Variants in PBX1 observed in about 807,000 individuals in gnomAD.
PBX1 encodes PBX homeobox 1.
A neutral mutation model predicts 53.4 loss-of-function variants in PBX1; 6 were observed. The ratio of observed to expected loss-of-function variants is 0.11; its 90% confidence interval spans 0.06 to 0.22. The LOEUF (loss-of-function observed/expected upper bound fraction) is 0.22. Among genes scored for constraint, PBX1 ranks in the 10% least tolerant of loss-of-function variants. The pLI is 1.00. For synonymous variants in PBX1, 204 were observed against 212.3 expected, an observed-to-expected ratio of 0.96 and a Z score of 0.34; for missense variants, 251 against 551.4, an observed-to-expected ratio of 0.46 and a Z score of 5.46.
Position 164,559,487 on chromosome 1 carries a change from A to G in PBX1, c.-336A>G. On this transcript the variant is annotated 5_prime_UTR_variant, in exon 1 of 9. Coordinates refer to ENST00000420696, the MANE Select transcript of PBX1 (RefSeq NM_002585.4). Reference sequence around the variant, plus strand: ...TGCCTTGCAAAGGAGACCGGACTGAAAAACCTAAAGCCAGCTCTGATTTCT... The same window carrying G: ...TGCCTTGCAAAGGAGACCGGACTGAGAAACCTAAAGCCAGCTCTGATTTCT... 1 of 290,798 alleles carries G rather than the reference A, an allele frequency of 3.4e-6. No homozygotes were observed. The highest frequency in any genetic ancestry group is 6.3e-6 in the Non-Finnish European group (1 of 157,892). 18.0% of individuals were successfully genotyped at this position (290,798 alleles called of 1,614,324 possible). A position where few individuals can be genotyped will look rare whatever the true frequency, so the allele number is the denominator to read the frequency against.
chr1:164,588,931 C>A (rs1655162218), intron 2 of PBX1, among the ~76,000 whole-genome samples: 1 of 152,122 alleles, frequency 6.6e-6, no homozygotes, highest in Admixed American at 6.5e-5. Context: ...GAGAATCTTT[C>A]TCTCTTTTTT....
intron 1 of PBX1, among the ~76,000 whole-genome samples, chr1:164,562,240 C>T (rs1016247274): frequency 2.0e-5 from 3 of 151,988 alleles, no homozygotes; most frequent in Non-Finnish European, 2.9e-5. Context: ...TATTTTTTAA[C>T]TTTCAAAGGG....
At chr1:164,588,248 A>G (rs1240285964) in intron 2 of PBX1, among the ~76,000 whole-genome samples, 1 of 152,202 alleles carries the variant, frequency 6.6e-6, no homozygotes, top group Non-Finnish European at 1.5e-5. Context: ...AAAAATCAAT[A>G]GTAAGGGGAG....
intron 2 of PBX1, among the ~76,000 whole-genome samples, chr1:164,748,455 A>G (rs1461662537): frequency 6.6e-6 from 1 of 152,182 alleles, no homozygotes; most frequent in Non-Finnish European, 1.5e-5. Context: ...TTGTTGCCTA[A>G]GGTCAGCTTA....
intron 2 of PBX1, among the ~76,000 whole-genome samples, chr1:164,686,935 C>A (rs543240988): frequency 6.7e-6 from 1 of 150,220 alleles, no homozygotes; most frequent in Non-Finnish European, 1.5e-5. Context: ...CCAGCCTGGG[C>A]GACAGAGCGA....
At chr1:164,859,977 A>G (rs1033167591) in intron 2 of PBX1, among the ~76,000 whole-genome samples, 2 of 152,238 alleles carry the variant, frequency 1.3e-5, no homozygotes, top group African/African-American at 4.8e-5. Flanking sequence ...GATGTAGATT[A>G]AAATTTTAAA....
At chr1:164,563,216 T>C in intron 1 of PBX1, 22 bp from the exon 2 acceptor site, 1 of 1,574,418 alleles carries the variant, frequency 6.4e-7, no homozygotes, top group Non-Finnish European at 8.7e-7. Flanking sequence ...ACCTAAGCTA[T>C]CATGTTGTTT....
At chr1:164,843,047 T>G (rs922019416) in intron 8 of PBX1, among the ~76,000 whole-genome samples, 4 of 152,004 alleles carry the variant, frequency 2.6e-5, no homozygotes, top group Non-Finnish European at 4.4e-5. Flanking sequence ...TCCCCAGGGT[T>G]AACGTGGCAG....
chr1:164,634,338 T>C (rs375313186), intron 2 of PBX1, among the ~76,000 whole-genome samples: 5 of 152,248 alleles, frequency 3.3e-5, no homozygotes, highest in South Asian at 4.1e-4. Flanking sequence ...CTGACACTTA[T>C]CTAGGACTAA....
At position 164,820,109 on chromosome 1, in the gene PBX1, T is replaced by C. The variant is rs1404783312; in HGVS notation, c.1035T>C (p.Asp345=). The C allele has an allele frequency of 6.2e-7, 1 of 1,613,636 alleles. No homozygotes were observed. The highest frequency in any genetic ancestry group is 1.1e-5 in the South Asian group (1 of 91,034). ...CTTTTAACATGTCAAACTCTGGAGA[T>C]TTGTTCATGAGCGTGCAGTCACTCA... is the stretch of plus-strand genomic sequence containing the variant. ...SSSFNMSNSG[D]LFMSVQSLNG... Residue 345 remains aspartate (D), a synonymous_variant, in exon 7 of 9, where the codon GAT becomes GAC. Coordinates refer to ENST00000420696, the MANE Select transcript of PBX1 (RefSeq NM_002585.4).
chr1:164,561,065 A>G (rs1184175220), intron 1 of PBX1, among the ~76,000 whole-genome samples: 1 of 152,212 alleles, frequency 6.6e-6, no homozygotes, highest in Non-Finnish European at 1.5e-5. Context: ...AGCTTGCCCA[A>G]GGCCGAACTC....
intron 2 of PBX1, among the ~76,000 whole-genome samples, chr1:164,876,350 G>C (rs1672510867): frequency 6.6e-6 from 1 of 151,530 alleles, no homozygotes; most frequent in Admixed American, 6.6e-5. Flanking sequence ...CTAGGAGGCC[G>C]GGCCTCCTGG....
At chr1:164,822,618 C>G (rs1198051228) in intron 8 of PBX1, among the ~76,000 whole-genome samples, 2 of 152,140 alleles carry the variant, frequency 1.3e-5, no homozygotes, top group African/African-American at 4.8e-5. Flanking sequence ...ATGATTCTGT[C>G]TGGTTTGGGA....
intron 2 of PBX1, among the ~76,000 whole-genome samples, chr1:164,862,145 G>C (rs547800945): frequency 1.3e-5 from 2 of 152,328 alleles, no homozygotes; most frequent in African/African-American, 4.8e-5. Context: ...AGGAAGACCA[G>C]TGAGGAGGCA....
chr1:164,659,215 T>C (rs1660344644), intron 2 of PBX1, among the ~76,000 whole-genome samples: 1 of 152,228 alleles, frequency 6.6e-6, no homozygotes, highest in African/African-American at 2.4e-5. Context: ...ATCCTGAGAA[T>C]GTGCCCAGAT....
intron 2 of PBX1, chr1:164,884,649 C>G: frequency 2.3e-6 from 1 of 431,526 alleles, no homozygotes; most frequent in Non-Finnish European, 4.5e-6. Context: ...GCCTCTCTTC[C>G]GGAATGACAC....
intron 2 of PBX1, among the ~76,000 whole-genome samples, chr1:164,869,644 G>A (rs759735775): frequency 2.0e-5 from 3 of 152,156 alleles, no homozygotes; most frequent in Non-Finnish European, 2.9e-5. Flanking sequence ...CACACTTTAC[G>A]TTAGAGGAAA....
chr1:164,804,458 A>G (rs1466528252), intron 4 of PBX1, among the ~76,000 whole-genome samples: 3 of 152,220 alleles, frequency 2.0e-5, no homozygotes, highest in African/African-American at 7.2e-5. Flanking sequence ...AAATTAAAAT[A>G]AATAAACATT....
At chr1:164,869,685 G>A (rs986687679) in intron 2 of PBX1, among the ~76,000 whole-genome samples, 2 of 152,218 alleles carry the variant, frequency 1.3e-5, no homozygotes, top group Non-Finnish European at 2.9e-5. Context: ...GATAAAATGT[G>A]TAGAATATTA....
Sources: allele counts gnomAD v4.1 joint callset (sites outside exome capture counted in the v4.1 genomes callset), GRCh38; gene constraint gnomAD v4.1.1; transcripts MANE v1.5; gene names NCBI Gene and HGNC (gene_info 2026-07-23, HGNC 2026-07-21).